The following PANK2 variants were observed in gnomAD, a reference collection of about 807,000 sequenced individuals.
PANK2 encodes pantothenate kinase 2, also known as pantothenate kinase 2, mitochondrial.
A neutral mutation model predicts 43.1 loss-of-function variants in PANK2; 36 were observed. The observed-to-expected ratio is 0.84, with a 90% CI of 0.64 to 1.10. PANK2 has a LOEUF of 1.10. Among genes scored for constraint, PANK2 ranks in the 50% least tolerant of loss-of-function variants. The pLI, the probability that PANK2 is intolerant of heterozygous loss-of-function variation, is 0.00. For synonymous variants in PANK2, 281 were observed against 238.2 expected, an observed-to-expected ratio of 1.18 and a Z score of -1.66; for missense variants, 576 against 593.3, an observed-to-expected ratio of 0.97 and a Z score of 0.30.
upstream of PANK2, chr20:3,888,940 A>AGAAT: frequency 3.4e-6 from 2 of 596,316 alleles, no homozygotes; most frequent in Non-Finnish European, 2.9e-6. Flanking sequence ...TCTGCCGACG[A>AGAAT]CCAGCGGCCA....
chr20:3,916,927 C>T lies in PANK2; in HGVS notation c.1083C>T (p.Ser361=). The T allele has an allele frequency of 2.5e-6, 4 of 1,610,466 alleles. No individual in the cohort carries two copies. The highest frequency in any genetic ancestry group is 1.7e-5 in the Admixed American group (1 of 59,704). Residue 361 remains serine, a splice_region_variant and synonymous_variant, in exon 5 of 7, where the codon AGC becomes AGT. Transcript: ENST00000610179. The stretch of plus-strand genomic sequence containing the variant: ...TGGGATTTTTTTTCCCCCATCACAG[C>T]TTTGGAAACATGATGAGCAAGGAGA...
chr20:3,906,694 C>A (rs1365387908), intron 1 of PANK2, among the ~76,000 whole-genome samples: 1 of 152,138 alleles, frequency 6.6e-6, no homozygotes, highest in Non-Finnish European at 1.5e-5. Context: ...AGAGTTTCTA[C>A]TGAATGCTTA....
chr20:3,918,425 G>C (rs1254747473), intron 5 of PANK2, among the ~76,000 whole-genome samples: 1 of 151,778 alleles, frequency 6.6e-6, no homozygotes, highest in East Asian at 1.9e-4. Context: ...GTTATTGTTG[G>C]TCAGATTTAA....
intron 6 of PANK2, 39 bp downstream of exon 6, chr20:3,918,835 GAGGGCTT>G (rs1475838097): frequency 6.2e-7 from 1 of 1,613,968 alleles, no homozygotes; most frequent in Non-Finnish European, 8.5e-7. Context: ...TATGTACACA[GAGGGCTT>G]GTGGGTCACA....
intron 1 of PANK2, among the ~76,000 whole-genome samples, chr20:3,893,052 T>G (rs180991071): frequency 2.6e-5 from 4 of 152,312 alleles, no homozygotes; most frequent in East Asian, 3.9e-4. Context: ...ATTTTCTGAG[T>G]GCTTATTTGT....
At chr20:3,923,015 T>C (rs1484034238) in intron 6 of PANK2, among the ~76,000 whole-genome samples, 1 of 152,156 alleles carries the variant, frequency 6.6e-6, no homozygotes, top group African/African-American at 2.4e-5. Context: ...TTTCCTCTTA[T>C]CACAGTGGTC....
intron 5 of PANK2, chr20:3,917,394 C>A: frequency 1.9e-6 from 1 of 531,836 alleles, no homozygotes. Context: ...GCTCTAGAGG[C>A]CCTAGGGAGG....
intron 1 of PANK2, among the ~76,000 whole-genome samples, chr20:3,895,922 T>C (rs1340314424): frequency 2.6e-5 from 4 of 152,214 alleles, no homozygotes; most frequent in African/African-American, 9.7e-5. Context: ...TTAAAGTACC[T>C]CTTTCAATGT....
At chr20:3,913,775 C>CACAT (rs575219677) in intron 4 of PANK2, among the ~76,000 whole-genome samples, 465 of 123,976 alleles carry the variant, frequency 3.8e-3, no homozygotes, top group East Asian at 0.016. Flanking sequence ...CACACACACA[C>CACAT]ATATATATAT....
intron 4 of PANK2, among the ~76,000 whole-genome samples, chr20:3,915,080 G>A (rs1441548789): frequency 6.6e-6 from 1 of 152,086 alleles, no homozygotes; most frequent in Non-Finnish European, 1.5e-5. Context: ...TTTGTTAGTT[G>A]TCTTTTCACT....
intron 1 of PANK2, among the ~76,000 whole-genome samples, chr20:3,903,965 C>T (rs1165380241): frequency 2.6e-5 from 4 of 151,718 alleles, no homozygotes; most frequent in East Asian, 1.9e-4. Flanking sequence ...TTAGTACATA[C>T]GTACATACTT....
intron 1 of PANK2, among the ~76,000 whole-genome samples, chr20:3,906,764 C>T (rs1483721508): frequency 2.6e-5 from 4 of 152,074 alleles, no homozygotes; most frequent in Admixed American, 2.0e-4. Context: ...TGGGACCTTC[C>T]ATATGTCTGT....
At chr20:3,919,982 T>TAAC (rs1267494614) in intron 6 of PANK2, among the ~76,000 whole-genome samples, 4 of 152,232 alleles carry the variant, frequency 2.6e-5, no homozygotes, top group Non-Finnish European at 5.9e-5. Context: ...TGAAGTCATC[T>TAAC]AACTTAGTTT....
rs2090782927 is a variant in PANK2, at chr20:3,929,271, G to C, written c.*5977G>C. On this transcript the variant is annotated 3_prime_UTR_variant, in exon 7 of 7. Coordinates refer to ENST00000610179, the MANE Select transcript of PANK2 (RefSeq NM_001386393.1). ...TTACGAAAATTAGCCAGGTGTGCTG[G>C]TGTGCACCTGTAGACGCAGCTACAG... 6.6e-6 allele frequency: 1 copy of C among 152,256 alleles called. No individual in the cohort carries two copies. Among genetic ancestry groups the C allele is most frequent in the African/African-American group, 2.4e-5 (1 of 41,430 alleles). The allele number at this position is 152,256 out of a possible 1,614,324, so 9.4% of individuals were successfully genotyped here.
rs1281226648 is a variant in PANK2, at chr20:3,923,297, A to G, written c.*3A>G. 2 of 1,614,160 alleles carry G rather than the reference A, an allele frequency of 1.2e-6. No homozygotes were observed. The highest frequency in any genetic ancestry group is 1.1e-5 in the South Asian group (1 of 91,084). ...TTGAGCTGTTGAAGATCCCGTGATC[A>G]TTACCTGGGGAGGGGTTCCTGAAAC... On this transcript the variant is annotated 3_prime_UTR_variant, in exon 7 of 7. Coordinates refer to ENST00000610179, the MANE Select transcript of PANK2 (RefSeq NM_001386393.1).
chr20:3,896,970 G>A (rs571135507), intron 1 of PANK2, among the ~76,000 whole-genome samples: 11 of 152,330 alleles, frequency 7.2e-5, no homozygotes, highest in African/African-American at 2.6e-4. Flanking sequence ...TTGGCAACTG[G>A]TGTCTGGCAG....
chr20:3,893,438 G>C (rs2090155489), intron 1 of PANK2, among the ~76,000 whole-genome samples: 1 of 152,074 alleles, frequency 6.6e-6, no homozygotes, highest in South Asian at 2.1e-4. Context: ...GTACAATTTT[G>C]GCAAATGTAG....
At position 3,889,610 on chromosome 20, in the gene PANK2, GTCGGTGCCCGCGGTCGGGGCC is replaced by G; in HGVS notation, c.185_205del (p.Val62_Ser68del). 2.0e-6 allele frequency: 3 copies of G among 1,533,024 alleles called. No individual in the cohort carries two copies. The highest frequency in any genetic ancestry group is 2.6e-6 in the Non-Finnish European group (3 of 1,148,656). 95.0% of individuals were successfully genotyped at this position (1,533,024 alleles called of 1,614,324 possible). ...CACTGCGGCGCCGGGCGAGCAGCGCGTCGGTGCCCGCGGTCGGGGCCTCGGCTGAGGGCACGAGGCGGGATC... is the reference window on the plus strand; with the variant it reads ...CACTGCGGCGCCGGGCGAGCAGCGCGTCGGCTGAGGGCACGAGGCGGGATC... On this transcript the variant is annotated inframe_deletion, in exon 1 of 7. Transcript: ENST00000610179.
chr20:3,913,497 C>T (rs185413888), intron 4 of PANK2, among the ~76,000 whole-genome samples: 3 of 152,128 alleles, frequency 2.0e-5, no homozygotes, highest in Admixed American at 2.0e-4. Flanking sequence ...GCATGCGCCA[C>T]CAAGCCTGGC....
Sources: gnomAD v4.1 joint callset for allele counts (sites outside exome capture counted in the v4.1 genomes callset) on GRCh38, gnomAD v4.1.1 for gene constraint, MANE v1.5 for transcripts, NCBI Gene and HGNC (gene_info 2026-07-23, HGNC 2026-07-21) for gene names.